Variants in EPC2 observed in about 807,000 individuals in gnomAD.
The protein encoded by EPC2 is enhancer of polycomb homolog 2.
Under a neutral mutation model 92.1 loss-of-function variants are expected in EPC2, and 14 were observed. That is an observed-to-expected ratio of 0.15 (90% confidence interval 0.10 to 0.24). EPC2 has a LOEUF of 0.24. Among genes scored for constraint, EPC2 ranks in the 10% least tolerant of loss-of-function variants. The pLI, the probability that EPC2 is intolerant of heterozygous loss-of-function variation, is 1.00. For synonymous variants in EPC2, 340 were observed against 334.7 expected (o/e 1.02, Z -0.17); for missense variants, 755 against 971.5 (o/e 0.78, Z 2.96).
At chr2:148,731,459 A>G (rs1426305846) in intron 2 of EPC2, among the ~76,000 whole-genome samples, 1 of 152,076 alleles carries the variant, frequency 6.6e-6, no homozygotes, top group African/African-American at 2.4e-5. Flanking sequence ...CTGGAGTGCA[A>G]TGGCACAGTC....
chr2:148,648,450 A>T (rs903756946), intron 1 of EPC2, among the ~76,000 whole-genome samples: 3 of 152,234 alleles, frequency 2.0e-5, no homozygotes, highest in Non-Finnish European at 4.4e-5. Context: ...ATTTTAAGTA[A>T]CTTTCAATAT....
intron 2 of EPC2, among the ~76,000 whole-genome samples, chr2:148,730,196 G>A (rs1558822685): frequency 6.6e-6 from 1 of 152,182 alleles, no homozygotes; most frequent in Non-Finnish European, 1.5e-5. Flanking sequence ...TCAACATGAA[G>A]AGTCCTAGGT....
chr2:148,774,945 C>T (rs542450624), intron 10 of EPC2, among the ~76,000 whole-genome samples: 1 of 151,560 alleles, frequency 6.6e-6, no homozygotes, highest in Non-Finnish European at 1.5e-5. Context: ...AAAAATTAGC[C>T]AGGCGTGGTG....
intron 1 of EPC2, among the ~76,000 whole-genome samples, chr2:148,672,322 C>G (rs1318132435): frequency 6.6e-6 from 1 of 152,150 alleles, no homozygotes; most frequent in Non-Finnish European, 1.5e-5. Context: ...TTTTCACTTT[C>G]AGGCTATGTT....
chr2:148,714,675 T>C (rs1336397516), intron 2 of EPC2, among the ~76,000 whole-genome samples: 1 of 152,220 alleles, frequency 6.6e-6, no homozygotes, highest in Non-Finnish European at 1.5e-5. Context: ...GGTGTTGAGC[T>C]TCTTTTCATG....
chr2:148,715,636 A>G (rs775949897), intron 2 of EPC2, among the ~76,000 whole-genome samples: 2 of 152,198 alleles, frequency 1.3e-5, no homozygotes, highest in African/African-American at 2.4e-5. Flanking sequence ...GCCTTGTAGC[A>G]TAGTTGAAGT....
chr2:148,753,094 G>T (rs1683109605), intron 3 of EPC2, among the ~76,000 whole-genome samples: 1 of 152,146 alleles, frequency 6.6e-6, no homozygotes, highest in Non-Finnish European at 1.5e-5. Flanking sequence ...ATTCCATCCT[G>T]CTAAAGCCGA....
intron 2 of EPC2, among the ~76,000 whole-genome samples, chr2:148,714,083 G>T (rs1364379674): frequency 9.4e-6 from 1 of 106,228 alleles, no homozygotes; most frequent in South Asian, 2.9e-4. Flanking sequence ...ACAGGCCCCA[G>T]TGTGGGTCGT....
intron 2 of EPC2, among the ~76,000 whole-genome samples, chr2:148,696,821 C>A (rs1404969014): frequency 1.3e-5 from 2 of 152,196 alleles, no homozygotes; most frequent in Admixed American, 1.3e-4. Flanking sequence ...GTTTCCCCTA[C>A]CTTAAGAGAC....
At chr2:148,738,890 A>G (rs1046272593) in intron 2 of EPC2, among the ~76,000 whole-genome samples, 2 of 152,206 alleles carry the variant, frequency 1.3e-5, no homozygotes, top group Admixed American at 6.5e-5. Flanking sequence ...TTAACCCCTG[A>G]ATTAGACAAA....
chr2:148,709,233 T>C (rs1292257615), intron 2 of EPC2, among the ~76,000 whole-genome samples: 1 of 151,708 alleles, frequency 6.6e-6, no homozygotes, highest in Non-Finnish European at 1.5e-5. Context: ...ATGAGGGAAC[T>C]CCCATTCACA....
chr2:148,692,883 A>G (rs1052737361), intron 2 of EPC2: 3 of 152,168 alleles, frequency 2.0e-5, no homozygotes, highest in Admixed American at 6.5e-5. Context: ...AAACAATAAA[A>G]ATAATAGAAA....
At chr2:148,697,309 ATTC>A (rs1681766986) in intron 2 of EPC2, among the ~76,000 whole-genome samples, 1 of 151,344 alleles carries the variant, frequency 6.6e-6, no homozygotes, top group South Asian at 2.1e-4. Flanking sequence ...TCAGTAATGG[ATTC>A]TTTTTTTTTT....
At chr2:148,717,020 T>G (rs1038766639) in intron 2 of EPC2, among the ~76,000 whole-genome samples, 1 of 152,204 alleles carries the variant, frequency 6.6e-6, no homozygotes, top group African/African-American at 2.4e-5. Flanking sequence ...TTCTAGTTTA[T>G]GTGCATAAAG....
intron 1 of EPC2, among the ~76,000 whole-genome samples, chr2:148,683,361 G>C (rs530809923): frequency 6.6e-6 from 1 of 151,164 alleles, no homozygotes; most frequent in Non-Finnish European, 1.5e-5. Flanking sequence ...TCCACCTCCC[G>C]GGTTCAAGCA....
At chr2:148,672,950 T>C (rs1166207640) in intron 1 of EPC2, among the ~76,000 whole-genome samples, 1 of 152,168 alleles carries the variant, frequency 6.6e-6, no homozygotes, top group Non-Finnish European at 1.5e-5. Context: ...TTGAAGAACA[T>C]TTTGTCAGAT....
In EPC2 at chr2:148,787,473, G is replaced by C. The variant is rs1477367576; in HGVS notation, c.*1096G>C. 1 of 152,598 alleles carries C rather than the reference G, an allele frequency of 6.6e-6. No homozygotes were observed. Among genetic ancestry groups the C allele is most frequent in the African/African-American group, 2.4e-5 (1 of 41,440 alleles). 9.5% of individuals were successfully genotyped at this position (152,598 alleles called of 1,614,324 possible). On this transcript the variant is annotated 3_prime_UTR_variant, in exon 14 of 14. Coordinates refer to ENST00000258484, the MANE Select transcript of EPC2 (RefSeq NM_015630.4). Reference sequence around the variant, plus strand: ...ATTAGATACGTGTAGTGGTGTTTCAGAATGTTTGTTTATGCACTAGTTCAG... The same window carrying C: ...ATTAGATACGTGTAGTGGTGTTTCACAATGTTTGTTTATGCACTAGTTCAG...
Position 148,762,681 on chromosome 2 carries a change from G to T in EPC2, c.827G>T (p.Gly276Val). The part of the protein sequence containing the change: ...LEVVEKRYHL[G>V]DYGGEILNEV... ...GTTACCTTTTCAAGATACCATTTGG[G>T]AGACTATGGTGGTGAAATCCTTAAT... The change falls in exon 6 of 14, where the codon GGA becomes GTA. Residue 276 changes from glycine (G) to valine (V), a missense_variant. Physicochemically the swap from Gly to Val is moderately radical, Grantham distance 109. Around this residue, in one of 4 missense-constraint regions of EPC2, gnomAD observed 509 missense variants for 607.7 expected, o/e 0.84. Coordinates refer to ENST00000258484, the MANE Select transcript of EPC2 (RefSeq NM_015630.4). 1 of 1,598,042 alleles carries T rather than the reference G, an allele frequency of 6.3e-7. No individual in the cohort carries two copies.
At chr2:148,666,817 A>C (rs2105358099) in intron 1 of EPC2, among the ~76,000 whole-genome samples, 1 of 151,862 alleles carries the variant, frequency 6.6e-6, no homozygotes, top group East Asian at 1.9e-4. Flanking sequence ...AACAAGACCT[A>C]TAGGTGATTC....
Sources: allele counts gnomAD v4.1 joint callset (sites outside exome capture counted in the v4.1 genomes callset), GRCh38; gene constraint gnomAD v4.1.1; regional missense constraint gnomAD v4.1.1; transcripts MANE v1.5; gene names NCBI Gene and HGNC (gene_info 2026-07-23, HGNC 2026-07-21).